The following MTA3 variants were observed in gnomAD, a reference collection of about 807,000 sequenced individuals.
MTA3 encodes the protein metastasis-associated protein MTA3.
MTA3 carries 34 observed loss-of-function variants against 83.5 expected under a neutral mutation model. The ratio of observed to expected loss-of-function variants is 0.41; its 90% CI spans 0.31 to 0.54. The LOEUF (loss-of-function observed/expected upper bound fraction) is 0.54, where lower values mean the gene tolerates loss of function less well. Among genes scored for constraint, MTA3 ranks in the 20% least tolerant of loss-of-function variants. The probability of loss-of-function intolerance (pLI) is 0.33; values close to 1 mark genes in which losing one functional copy is unlikely to be tolerated. For missense variants in MTA3, 761 were observed against 726.4 expected, an observed-to-expected ratio of 1.05 and a Z score of -0.55; for synonymous variants, 303 against 252.7, an observed-to-expected ratio of 1.20 and a Z score of -1.89.
At position 42,754,491 on chromosome 2, in the gene MTA3, G is replaced by C; in HGVS notation, c.*1092G>C. 1.0e-6 allele frequency: 1 copy of C among 985,490 alleles called. No homozygotes were observed. The highest frequency in any genetic ancestry group is 1.2e-6 in the Non-Finnish European group (1 of 830,034). The allele number at this position is 985,490 out of a possible 1,614,324, so 61.0% of individuals were successfully genotyped here. Reference sequence around the variant, plus strand: ...CCACCTGCCCTCGGCACGAGCCCTTGGTGGCATCACAGTTGGCCACTCAGC... The same window carrying C: ...CCACCTGCCCTCGGCACGAGCCCTTCGTGGCATCACAGTTGGCCACTCAGC... On this transcript the variant is annotated 3_prime_UTR_variant, in exon 17 of 17. Transcript: ENST00000405094.
At chr2:42,575,201 C>T (rs762867225) in intron 2 of MTA3, among the ~76,000 whole-genome samples, 2 of 152,072 alleles carry the variant, frequency 1.3e-5, no homozygotes, top group Non-Finnish European at 2.9e-5. Context: ...TTAGGAGGAC[C>T]GTTTATTTGT....
At chr2:42,551,342 C>A (rs1242970962) in intron 2 of MTA3, among the ~76,000 whole-genome samples, 1 of 151,942 alleles carries the variant, frequency 6.6e-6, no homozygotes, top group Non-Finnish European at 1.5e-5. Context: ...AGATGCACAC[C>A]ACCATGCCTG....
intron 6 of MTA3, among the ~76,000 whole-genome samples, chr2:42,654,467 T>C (rs1386024458): frequency 6.6e-6 from 1 of 152,198 alleles, no homozygotes; most frequent in African/African-American, 2.4e-5. Flanking sequence ...CTAGTAAGAA[T>C]CTATAGCTAT....
intron 2 of MTA3, chr2:42,532,972 A>G (rs1032985201): frequency 5.6e-5 from 11 of 195,734 alleles, no homozygotes; most frequent in Non-Finnish European, 1.1e-4. Flanking sequence ...CAATATGCAC[A>G]TTAATTCTCT....
intron 4 of MTA3, among the ~76,000 whole-genome samples, chr2:42,627,205 G>A (rs1686189658): frequency 6.6e-6 from 1 of 152,072 alleles, no homozygotes; most frequent in African/African-American, 2.4e-5. Context: ...AGCCTCCTGA[G>A]TAGCTGGGAC....
At chr2:42,741,551 G>A (rs186778141) in intron 16 of MTA3, among the ~76,000 whole-genome samples, 111 of 152,222 alleles carry the variant, frequency 7.3e-4, no homozygotes, top group African/African-American at 2.6e-3. Flanking sequence ...CCATTGTAAG[G>A]TTATTAATTG....
chr2:42,575,556 G>T (rs1039261523), intron 2 of MTA3, among the ~76,000 whole-genome samples: 30 of 151,946 alleles, frequency 2.0e-4, no homozygotes, highest in African/African-American at 7.0e-4. Flanking sequence ...GAATGCAAGG[G>T]TGATAAAAAA....
intron 15 of MTA3, 85 bp from the exon 16 acceptor site, chr2:42,722,804 A>G (rs1234513491): frequency 5.5e-6 from 8 of 1,447,352 alleles, no homozygotes; most frequent in Admixed American, 2.1e-5. Context: ...ATTAAGAAAT[A>G]AGATGTGTGC....
chr2:42,583,028 A>C (rs995217891), intron 3 of MTA3, among the ~76,000 whole-genome samples: 1 of 152,058 alleles, frequency 6.6e-6, no homozygotes, highest in Non-Finnish European at 1.5e-5. Context: ...TAAAATAGAG[A>C]GTAGAGAAAT....
intron 16 of MTA3, among the ~76,000 whole-genome samples, chr2:42,735,248 A>G (rs770520504): frequency 2.0e-5 from 3 of 152,180 alleles, no homozygotes; most frequent in Non-Finnish European, 4.4e-5. Flanking sequence ...ATTCTAAGAT[A>G]AAAGTTTTTT....
intron 2 of MTA3, among the ~76,000 whole-genome samples, chr2:42,541,895 T>G (rs1395286780): frequency 1.3e-5 from 2 of 152,188 alleles, no homozygotes; most frequent in Non-Finnish European, 2.9e-5. Context: ...TAGAGAGGGC[T>G]CTGTGGCTGT....
chr2:42,720,599 G>GT (rs1667334513), intron 15 of MTA3, among the ~76,000 whole-genome samples: 1 of 152,120 alleles, frequency 6.6e-6, no homozygotes, highest in South Asian at 2.1e-4. Context: ...AGTGCGGTCT[G>GT]TATTCCCTTG....
At chr2:42,609,100 G>A (rs146736106) in intron 3 of MTA3, among the ~76,000 whole-genome samples, 127 of 140,240 alleles carry the variant, frequency 9.1e-4, no homozygotes, top group African/African-American at 3.2e-3. Context: ...GTACGATCTT[G>A]GCTGACTGCA....
intron 3 of MTA3, among the ~76,000 whole-genome samples, chr2:42,595,462 A>G (rs1681685420): frequency 6.6e-6 from 1 of 152,128 alleles, no homozygotes; most frequent in African/African-American, 2.4e-5. Context: ...TGAACTGTTT[A>G]TATTCTTTGC....
At chr2:42,697,094 T>C (rs1051097933) in intron 10 of MTA3, among the ~76,000 whole-genome samples, 1 of 152,218 alleles carries the variant, frequency 6.6e-6, no homozygotes, top group African/African-American at 2.4e-5. Context: ...TGGTTTGTCT[T>C]ATTTTTGGAC....
chr2:42,604,218 C>CT (rs1420427186), intron 3 of MTA3, among the ~76,000 whole-genome samples: 1 of 151,678 alleles, frequency 6.6e-6, no homozygotes, highest in Non-Finnish European at 1.5e-5. Flanking sequence ...ATATTTTGTA[C>CT]TTTTAGTAGA....
At chr2:42,747,992 T>A (rs957517396) in intron 16 of MTA3, among the ~76,000 whole-genome samples, 1 of 151,764 alleles carries the variant, frequency 6.6e-6, no homozygotes, top group Non-Finnish European at 1.5e-5. Context: ...CACTGATTTG[T>A]TTTTTGCCAC....
rs139881690 is a variant in MTA3 at position 42,753,381 on chromosome 2, G to A, written c.1767G>A (p.Thr589=). Residue 589 remains threonine, a synonymous_variant, in exon 17 of 17, where the codon ACG becomes ACA. Transcript: ENST00000405094. ...GTTACTTCCCTTTTCTAGAACTCAC[G>A]TGCTGTGTGTCAGACTGAGCTTTCC... ...YSHHNGLDEL[T]CCVSD 316 of 1,550,542 alleles carry A rather than the reference G, an allele frequency of 2.0e-4. No homozygotes were observed. The African/African-American group carries it at 2.1e-3, about 10-fold the overall frequency.
chr2:42,559,898 C>CAA (rs955947112), intron 2 of MTA3, among the ~76,000 whole-genome samples: 19 of 123,334 alleles, frequency 1.5e-4, no homozygotes, highest in African/African-American at 2.4e-4. Context: ...AACTCCATCT[C>CAA]AAAAAAAAAA....
Sources: allele counts gnomAD v4.1 joint callset (sites outside exome capture counted in the v4.1 genomes callset), GRCh38; gene constraint gnomAD v4.1.1; transcripts MANE v1.5; gene names NCBI Gene and HGNC (gene_info 2026-07-23, HGNC 2026-07-21).